The following PTPRD variants were observed in gnomAD, a reference collection of about 807,000 sequenced individuals.
The protein encoded by PTPRD is protein tyrosine phosphatase receptor type D, also known as receptor-type tyrosine-protein phosphatase delta.
Under a neutral mutation model 214.5 loss-of-function variants are expected in PTPRD, and 34 were observed. That is an observed-to-expected ratio of 0.16 (90% CI 0.12 to 0.21). PTPRD has a LOEUF of 0.21. Ranked by LOEUF, PTPRD falls within the 10% of genes least tolerant of loss-of-function variation. The pLI is 1.00. For synonymous variants in PTPRD, 1,128 were observed against 845.7 expected (o/e 1.33, Z -5.79); for missense variants, 2,545 against 2,398.7 (o/e 1.06, Z -1.27).
At chr9:10,308,877 T>G (rs1301826329) in intron 3 of PTPRD, among the ~76,000 whole-genome samples, 1 of 152,100 alleles carries the variant, frequency 6.6e-6, no homozygotes, top group Non-Finnish European at 1.5e-5. Context: ...ACTGGGCGGT[T>G]AGACTGCTTC....
intron 2 of PTPRD, among the ~76,000 whole-genome samples, chr9:10,453,659 A>G (rs1264449495): frequency 6.6e-6 from 1 of 151,652 alleles, no homozygotes; most frequent in Non-Finnish European, 1.5e-5. Flanking sequence ...GAATCCTGCA[A>G]CTTTACTGAA....
chr9:9,667,531 G>C (rs1218213537), intron 7 of PTPRD, among the ~76,000 whole-genome samples: 1 of 152,090 alleles, frequency 6.6e-6, no homozygotes, highest in African/African-American at 2.4e-5. Context: ...TTTAAATTAT[G>C]TGTAGTAGCA....
intron 7 of PTPRD, among the ~76,000 whole-genome samples, chr9:9,693,295 G>A (rs192246717): frequency 5.9e-5 from 9 of 152,152 alleles, no homozygotes; most frequent in African/African-American, 1.9e-4. Flanking sequence ...GACTGGGTTA[G>A]GGGAATGGTT....
At position 9,541,768 on chromosome 9, in the gene PTPRD, A is replaced by G. The variant is rs145075041; in HGVS notation, c.-237+32964T>C. Among the ~76,000 whole-genome samples the G allele has an allele frequency of 7.4e-4, 113 of 151,934 alleles. 1 individual carries two copies. The East Asian group carries it at 0.013, about 18-fold the overall frequency. ...GTTTCCACTGAGGCACGCAGAGAATATTTCCAGAGTAAGTCAGTGGTCTGG... is the reference window on the plus strand; with the variant it reads ...GTTTCCACTGAGGCACGCAGAGAATGTTTCCAGAGTAAGTCAGTGGTCTGG... On this transcript the variant is annotated intron_variant, in intron 8 of 45. Transcript: ENST00000381196.
intron 2 of PTPRD, among the ~76,000 whole-genome samples, chr9:10,484,220 C>T (rs1157034634): frequency 6.6e-6 from 1 of 152,048 alleles, no homozygotes; most frequent in Non-Finnish European, 1.5e-5. Flanking sequence ...TACATGTTCT[C>T]ACTTATACGT....
chr9:10,026,594 G>C (rs900447286), intron 4 of PTPRD, among the ~76,000 whole-genome samples: 1 of 152,130 alleles, frequency 6.6e-6, no homozygotes, highest in Non-Finnish European at 1.5e-5. Context: ...AGCAGTCACA[G>C]TACAGTTACA....
At chr9:9,323,051 ATT>A (rs775837321) in intron 9 of PTPRD, among the ~76,000 whole-genome samples, 1 of 151,816 alleles carries the variant, frequency 6.6e-6, no homozygotes, top group Non-Finnish European at 1.5e-5. Flanking sequence ...ACTGTTTACA[ATT>A]TTTTTTGCAA....
chr9:8,799,467 T>C (rs913953394), intron 11 of PTPRD, among the ~76,000 whole-genome samples: 1 of 152,154 alleles, frequency 6.6e-6, no homozygotes, highest in Admixed American at 6.5e-5. Flanking sequence ...TACATCAGCC[T>C]AATAAAAAGA....
At chr9:9,346,650 T>C (rs2048919106) in intron 9 of PTPRD, among the ~76,000 whole-genome samples, 1 of 152,148 alleles carries the variant, frequency 6.6e-6, no homozygotes, top group South Asian at 2.1e-4. Context: ...TGCCTTTGTA[T>C]GTTTTTATTT....
chr9:8,786,052 T>C (rs988097070), intron 11 of PTPRD, among the ~76,000 whole-genome samples: 7 of 141,790 alleles, frequency 4.9e-5, no homozygotes, highest in African/African-American at 2.0e-4. Flanking sequence ...TGTGTGTGTG[T>C]GTGTGTGTGT....
chr9:9,952,560 C>A, intron 4 of PTPRD, among the ~76,000 whole-genome samples: 1 of 152,144 alleles, frequency 6.6e-6, no homozygotes, highest in Non-Finnish European at 1.5e-5. Flanking sequence ...AATTAGTTCA[C>A]AGAATCCAGA....
chr9:10,031,647 T>TATACACACACACACACAC, intron 4 of PTPRD, among the ~76,000 whole-genome samples: 9 of 89,530 alleles, frequency 1.0e-4, no homozygotes, highest in East Asian at 4.7e-4. Flanking sequence ...TATATATATA[T>TATACACACACACACACAC]ACACACACAC....
chr9:10,529,937 G>A (rs1000010181), intron 2 of PTPRD, among the ~76,000 whole-genome samples: 2 of 151,834 alleles, frequency 1.3e-5, no homozygotes, highest in Non-Finnish European at 2.9e-5. Context: ...AGAGCATTAA[G>A]ACAAATACCT....
intron 6 of PTPRD, among the ~76,000 whole-genome samples, chr9:9,763,921 A>T (rs1485529818): frequency 6.6e-6 from 1 of 152,186 alleles, no homozygotes. Flanking sequence ...GCCTCTATAT[A>T]TGACTGATAT....
chr9:10,317,081 C>A (rs1483160413), intron 3 of PTPRD, among the ~76,000 whole-genome samples: 1 of 151,898 alleles, frequency 6.6e-6, no homozygotes, highest in Admixed American at 6.6e-5. Context: ...ATTCCGTACA[C>A]AGTGGGTTTA....
intron 8 of PTPRD, among the ~76,000 whole-genome samples, chr9:9,439,915 G>A (rs1248509805): frequency 6.6e-6 from 1 of 152,146 alleles, no homozygotes; most frequent in East Asian, 1.9e-4. Flanking sequence ...CTGGGAAGTG[G>A]CAGAGCAGGA....
intron 3 of PTPRD, among the ~76,000 whole-genome samples, chr9:10,277,416 G>C (rs1455026891): frequency 6.6e-6 from 1 of 152,170 alleles, no homozygotes; most frequent in Admixed American, 6.5e-5. Flanking sequence ...GGCCAGCCCT[G>C]ACTCTCGGCA....
At chr9:9,142,031 T>C (rs1363535095) in intron 10 of PTPRD, among the ~76,000 whole-genome samples, 1 of 152,230 alleles carries the variant, frequency 6.6e-6, no homozygotes, top group Non-Finnish European at 1.5e-5. Context: ...TAGAGCTCCA[T>C]TAGGAAATTA....
chr9:9,818,843 G>T (rs993416999), intron 5 of PTPRD, among the ~76,000 whole-genome samples: 1 of 150,022 alleles, frequency 6.7e-6, no homozygotes, highest in Non-Finnish European at 1.5e-5. Context: ...TTGAAACTGG[G>T]AGGTAGAGGT....
Sources: gnomAD v4.1 joint callset for allele counts (sites outside exome capture counted in the v4.1 genomes callset) on GRCh38, gnomAD v4.1.1 for gene constraint, MANE v1.5 for transcripts, NCBI Gene and HGNC (gene_info 2026-07-23, HGNC 2026-07-21) for gene names.